LY96: variants seen among roughly 807,000 people sequenced by gnomAD.
LY96 encodes lymphocyte antigen 96.
A neutral mutation model predicts 18.9 loss-of-function variants in LY96; 18 were observed. That is an observed-to-expected ratio of 0.95 (90% CI 0.66 to 1.41). The LOEUF is 1.41. LY96 is among the 40% of genes most tolerant of loss of function. The pLI is 0.00. For missense variants in LY96, 175 were observed against 182.4 expected, an observed-to-expected ratio of 0.96 and a Z score of 0.23; for synonymous variants, 66 against 62.6, an observed-to-expected ratio of 1.06 and a Z score of -0.26.
the LY96 span, among the ~76,000 whole-genome samples, chr8:74,054,612 T>TG: frequency 1.6e-4 from 11 of 69,722 alleles, no homozygotes; most frequent in African/African-American, 6.3e-4. Context: ...TCTTGTTTCC[T>TG]TTTCCTTCTT....
At chr8:73,992,114 A>G (rs1465267733) in intron 1 of LY96, among the ~76,000 whole-genome samples, 1 of 152,142 alleles carries the variant, frequency 6.6e-6, no homozygotes, top group African/African-American at 2.4e-5. Context: ...TTGTGAGGTG[A>G]AGTTTTTTAG....
At chr8:74,022,893 A>C (rs941436869) in intron 3 of LY96, among the ~76,000 whole-genome samples, 12 of 151,822 alleles carry the variant, frequency 7.9e-5, no homozygotes, top group Non-Finnish European at 1.5e-4. Context: ...GGTTGTTCTT[A>C]ATTTCTTTCT....
chr8:74,005,384 T>C (rs530271937), intron 2 of LY96, among the ~76,000 whole-genome samples: 3 of 152,352 alleles, frequency 2.0e-5, no homozygotes, highest in African/African-American at 7.2e-5. Flanking sequence ...TGCTGTGTTC[T>C]ATTGGTTAGA....
At chr8:74,023,728 C>T (rs1480920950) in intron 3 of LY96, among the ~76,000 whole-genome samples, 2 of 152,150 alleles carry the variant, frequency 1.3e-5, no homozygotes, top group Non-Finnish European at 2.9e-5. Context: ...TCGAGGCACC[C>T]TCTGGGGTTG....
intron 2 of LY96, among the ~76,000 whole-genome samples, chr8:74,006,291 G>A (rs916320334): frequency 4.6e-5 from 7 of 151,928 alleles, no homozygotes; most frequent in African/African-American, 9.7e-5. Flanking sequence ...TCTGCCTCCC[G>A]GGTTCAATCC....
At chr8:74,097,721 T>A in the LY96 span, among the ~76,000 whole-genome samples, 2 of 127,248 alleles carry the variant, frequency 1.6e-5, no homozygotes, top group Admixed American at 7.6e-5. Flanking sequence ...AATAAATAAA[T>A]AAATAAGTAA....
intron 3 of LY96, among the ~76,000 whole-genome samples, chr8:74,025,908 C>T (rs1408077275): frequency 2.0e-5 from 3 of 151,608 alleles, no homozygotes; most frequent in African/African-American, 4.9e-5. Flanking sequence ...CTCAGGAAGC[C>T]GAGGCAGGAG....
intron 3 of LY96, among the ~76,000 whole-genome samples, chr8:74,012,089 T>C (rs1816544791): frequency 6.6e-6 from 1 of 152,150 alleles, no homozygotes; most frequent in East Asian, 1.9e-4. Context: ...CCATTTTTGG[T>C]GGGAATGTAA....
the LY96 span, among the ~76,000 whole-genome samples, chr8:74,097,617 G>A: frequency 6.6e-6 from 1 of 152,182 alleles, no homozygotes; most frequent in Non-Finnish European, 1.5e-5. Flanking sequence ...GGTGAGGCAG[G>A]AGAATCGCTT....
At chr8:74,071,302 G>T in the LY96 span, among the ~76,000 whole-genome samples, 2 of 149,820 alleles carry the variant, frequency 1.3e-5, no homozygotes, top group Non-Finnish European at 2.9e-5. Context: ...AACAGGGTTA[G>T]AAGAAACAGA....
chr8:74,013,330 C>T (rs530383475), intron 3 of LY96, among the ~76,000 whole-genome samples: 48 of 152,204 alleles, frequency 3.2e-4, no homozygotes, highest in African/African-American at 1.2e-3. Context: ...ATCATGTTAG[C>T]CAGGCTGGTC....
downstream of LY96, among the ~76,000 whole-genome samples, chr8:74,033,806 A>C (rs375490674): frequency 5.9e-5 from 9 of 152,354 alleles, no homozygotes; most frequent in South Asian, 1.7e-3. Context: ...TCCAGAATTC[A>C]GAAACTGTTC....
rs1816300346 is a variant in LY96, at chr8:74,002,070, CCTTCCTT to C, written c.113-2725_113-2719del. Reference sequence around the variant, plus strand: ...TCCTTCCTTCCTTCCTTCCTTCCTTCCTTCCTTTCTTTCTTTCTTTCTTTCTCTCTCT... The same window carrying C: ...TCCTTCCTTCCTTCCTTCCTTCCTTCTCTTTCTTTCTTTCTTTCTCTCTCT... On this transcript the variant is annotated intron_variant, in intron 1 of 4. Transcript: ENST00000284818. Among the ~76,000 whole-genome samples, 3 of 18,464 alleles carry C rather than the reference CCTTCCTT, an allele frequency of 1.6e-4. 1 individual carries two copies. Among genetic ancestry groups the C allele is most frequent in the African/African-American group, 6.7e-4 (3 of 4,496 alleles). The allele number at this position is 18,464 out of a possible 152,430, so 12.1% of individuals were successfully genotyped here.
intron 1 of LY96, among the ~76,000 whole-genome samples, chr8:73,998,059 G>C (rs1336044862): frequency 6.6e-6 from 1 of 152,174 alleles, no homozygotes; most frequent in African/African-American, 2.4e-5. Context: ...GGGGCTAAAA[G>C]TTCCAAGCTT....
chr8:74,014,780 T>C (rs889774763), intron 3 of LY96, among the ~76,000 whole-genome samples: 2 of 151,542 alleles, frequency 1.3e-5, no homozygotes, highest in Non-Finnish European at 2.9e-5. Context: ...CAAGCAATTA[T>C]AAAGTAAAAG....
intron 3 of LY96, among the ~76,000 whole-genome samples, chr8:74,024,529 T>C (rs958239590): frequency 1.3e-5 from 2 of 152,078 alleles, no homozygotes; most frequent in Non-Finnish European, 2.9e-5. Flanking sequence ...TAGGCATTGT[T>C]CTTAGCACTT....
intron 1 of LY96, among the ~76,000 whole-genome samples, chr8:73,996,378 T>A (rs1413775466): frequency 0.11 from 4,530 of 42,710 alleles, 151 homozygotes; most frequent in Middle Eastern, 0.15. Flanking sequence ...CATTCCTTTC[T>A]TTCTTTCTTT....
chr8:74,086,921 C>T, the LY96 span, among the ~76,000 whole-genome samples: 2 of 152,200 alleles, frequency 1.3e-5, no homozygotes, highest in East Asian at 1.9e-4. Context: ...AGTGTTTAGG[C>T]CTGTGAGAAA....
At chr8:74,070,334 G>A in the LY96 span, among the ~76,000 whole-genome samples, 1 of 151,736 alleles carries the variant, frequency 6.6e-6, no homozygotes, top group African/African-American at 2.4e-5. Flanking sequence ...CTCGTGATCC[G>A]CCCGCCTCGG....
Sources: allele counts gnomAD v4.1 joint callset (sites outside exome capture counted in the v4.1 genomes callset), GRCh38; gene constraint gnomAD v4.1.1; transcripts MANE v1.5; gene names NCBI Gene and HGNC (gene_info 2026-07-23, HGNC 2026-07-21).